TBC1D14: variants seen among roughly 807,000 people sequenced by gnomAD.
The protein encoded by TBC1D14 is TBC1 domain family member 14, also known as TBC1 domain family, member 14.
TBC1D14 carries 26 observed loss-of-function variants against 79.0 expected under a neutral mutation model. The observed-to-expected ratio is 0.33, with a 90% CI of 0.24 to 0.46. The LOEUF is 0.46. TBC1D14 is among the 20% of genes least tolerant of loss of function. TBC1D14 has a pLI of 1.00. For missense variants in TBC1D14, 769 were observed against 887.6 expected (o/e 0.87, Z 1.70); for synonymous variants, 394 against 349.9 (o/e 1.13, Z -1.40).
intron 3 of TBC1D14, among the ~76,000 whole-genome samples, chr4:6,977,584 C>T (rs1419121901): frequency 6.7e-6 from 1 of 149,564 alleles, no homozygotes; most frequent in Non-Finnish European, 1.5e-5. Flanking sequence ...GGCCGCCCAT[C>T]GTCTGGGATG....
chr4:7,032,832 G>T lies in TBC1D14; in HGVS notation c.*2440G>T, dbSNP rs1280726825. 6.6e-6 allele frequency: 1 copy of T among 152,232 alleles called. No homozygotes were observed. The highest frequency in any genetic ancestry group is 1.5e-5 in the Non-Finnish European group (1 of 68,046). The allele number at this position is 152,232 out of a possible 1,614,324, so 9.4% of individuals were successfully genotyped here. The stretch of plus-strand genomic sequence containing the variant: ...CTCACAGTCTAAGACTTCAGGGCCG[G>T]GACCTTTGTCCAGCCTGCACAGTAG... On this transcript the variant is annotated 3_prime_UTR_variant, in exon 14 of 14. Coordinates refer to ENST00000409757, the MANE Select transcript of TBC1D14 (RefSeq NM_020773.3).
intron 3 of TBC1D14, among the ~76,000 whole-genome samples, chr4:6,974,869 C>T (rs1167857100): frequency 1.6e-4 from 25 of 151,538 alleles, no homozygotes; most frequent in Non-Finnish European, 3.2e-4. Flanking sequence ...CAGATAGGAT[C>T]GTCTTTTTTT....
At position 6,971,693 on chromosome 4, in the gene TBC1D14, G is replaced by A. The variant is rs149489971; in HGVS notation, c.843+4269G>A. Reference sequence around the variant, plus strand: ...GAGTAGTCACATCAGCATCACCCGGGCATTTGCTAGAAATGCACGTTCTCG... The same window carrying A: ...GAGTAGTCACATCAGCATCACCCGGACATTTGCTAGAAATGCACGTTCTCG... On this transcript the variant is annotated intron_variant, in intron 3 of 13. Coordinates refer to ENST00000409757, the MANE Select transcript of TBC1D14 (RefSeq NM_020773.3). Among the ~76,000 whole-genome samples, 21 of 152,244 alleles carry A rather than the reference G, an allele frequency of 1.4e-4. No individual in the cohort carries two copies. The East Asian group carries it at 3.5e-3, about 25-fold the overall frequency.
intron 2 of TBC1D14, among the ~76,000 whole-genome samples, chr4:6,957,083 C>T (rs1021278894): frequency 6.6e-6 from 1 of 152,220 alleles, no homozygotes; most frequent in African/African-American, 2.4e-5. Context: ...CTGTGTGCTC[C>T]TCTTGAGGGT....
intron 1 of TBC1D14, among the ~76,000 whole-genome samples, chr4:6,920,528 T>C (rs1723766029): frequency 1.3e-5 from 2 of 152,190 alleles, no homozygotes; most frequent in African/African-American, 2.4e-5. Flanking sequence ...GCAGGCTCCT[T>C]ACAAAAGCTG....
chr4:6,984,381 C>T (rs905375452), intron 3 of TBC1D14, among the ~76,000 whole-genome samples: 4 of 152,162 alleles, frequency 2.6e-5, no homozygotes, highest in Admixed American at 6.5e-5. Flanking sequence ...TTGTGGTCTC[C>T]TGTCACAGCT....
At chr4:6,928,810 T>C (rs1437716468) in intron 2 of TBC1D14, among the ~76,000 whole-genome samples, 1 of 152,136 alleles carries the variant, frequency 6.6e-6, no homozygotes, top group Non-Finnish European at 1.5e-5. Flanking sequence ...TACAGGGAAA[T>C]AGGAACAAGT....
In TBC1D14 at chr4:6,983,527, G is replaced by A. The variant is rs75842040; in HGVS notation, c.844-10657G>A. Among the ~76,000 whole-genome samples the A allele has an allele frequency of 7.8e-3, 1,192 of 152,304 alleles. 46 individuals are homozygous for A. Among genetic ancestry groups the A allele is most frequent in the Admixed American group, 0.055 (840 of 15,298 alleles). On this transcript the variant is annotated intron_variant, in intron 3 of 13. Transcript: ENST00000409757. Reference sequence around the variant, plus strand: ...ACTCTGGAAGTTTTGGCTTGTCAAGGTGGTAGAGGTCATGTTTGTATGGGA... The same window carrying A: ...ACTCTGGAAGTTTTGGCTTGTCAAGATGGTAGAGGTCATGTTTGTATGGGA...
intron 3 of TBC1D14, chr4:6,987,130 A>C: frequency 4.1e-6 from 4 of 976,402 alleles, no homozygotes; most frequent in South Asian, 4.8e-5. Flanking sequence ...CCCCCTTGGG[A>C]GTCTCCAGCC....
intron 9 of TBC1D14, chr4:7,007,738 C>G (rs1440665305): frequency 1.7e-6 from 1 of 577,514 alleles, no homozygotes; most frequent in African/African-American, 2.0e-5. Context: ...CTTCTCTGCC[C>G]TTTTGCCCCA....
chr4:6,947,655 C>A (rs1713612855), intron 2 of TBC1D14, among the ~76,000 whole-genome samples: 1 of 125,296 alleles, frequency 8.0e-6, no homozygotes, highest in African/African-American at 2.8e-5. Context: ...GAGTGAGATT[C>A]CGTCTCAAAA....
chr4:7,008,276 T>C (rs1720411896), intron 9 of TBC1D14, among the ~76,000 whole-genome samples: 1 of 152,240 alleles, frequency 6.6e-6, no homozygotes, highest in Non-Finnish European at 1.5e-5. Flanking sequence ...TTCATTCCAA[T>C]GTAGAGATCT....
intron 3 of TBC1D14, among the ~76,000 whole-genome samples, chr4:6,991,163 A>G (rs1429632888): frequency 6.6e-6 from 1 of 152,192 alleles, no homozygotes; most frequent in African/African-American, 2.4e-5. Flanking sequence ...TATTTTAATC[A>G]TGCCTTGGTC....
At chr4:6,983,082 G>C (rs1359683300) in intron 3 of TBC1D14, among the ~76,000 whole-genome samples, 1 of 152,044 alleles carries the variant, frequency 6.6e-6, no homozygotes, top group African/African-American at 2.4e-5. Context: ...GAGTGCAGTG[G>C]CACGATCTCG....
intron 1 of TBC1D14, among the ~76,000 whole-genome samples, chr4:6,921,269 A>G (rs1560243096): frequency 6.6e-6 from 1 of 151,908 alleles, no homozygotes; most frequent in Non-Finnish European, 1.5e-5. Flanking sequence ...CAGTGGTGTT[A>G]TCAGGGTTCA....
intron 2 of TBC1D14, among the ~76,000 whole-genome samples, chr4:6,962,658 C>G: frequency 6.6e-6 from 1 of 152,212 alleles, no homozygotes. Context: ...TGGCCACCCC[C>G]CAGCTCTCAG....
At chr4:6,938,682 A>G (rs1712580837) in intron 2 of TBC1D14, among the ~76,000 whole-genome samples, 1 of 152,166 alleles carries the variant, frequency 6.6e-6, no homozygotes, top group Non-Finnish European at 1.5e-5. Context: ...CACTGCCAGG[A>G]AGCCCTCTCC....
At chr4:6,982,497 T>C (rs1200912695) in intron 3 of TBC1D14, among the ~76,000 whole-genome samples, 1 of 152,178 alleles carries the variant, frequency 6.6e-6, no homozygotes, top group African/African-American at 2.4e-5. Flanking sequence ...TCCAACTGTT[T>C]TATATCTTGA....
chr4:7,001,304 TC>T, intron 7 of TBC1D14, 53 bp downstream of exon 7: 1 of 1,465,484 alleles, frequency 6.8e-7, no homozygotes, highest in Non-Finnish European at 9.5e-7. Flanking sequence ...TTTGGCTTCT[TC>T]TCTCCCTTTT....
Sources: gnomAD v4.1 joint callset for allele counts (sites outside exome capture counted in the v4.1 genomes callset) on GRCh38, gnomAD v4.1.1 for gene constraint, MANE v1.5 for transcripts, NCBI Gene and HGNC (gene_info 2026-07-23, HGNC 2026-07-21) for gene names.